DDC: variants seen among roughly 807,000 people sequenced by gnomAD.
The protein encoded by DDC is aromatic-L-amino-acid decarboxylase.
A neutral mutation model predicts 60.0 loss-of-function variants in DDC; 43 were observed. The observed-to-expected ratio is 0.72, with a 90% CI of 0.56 to 0.92. The LOEUF (loss-of-function observed/expected upper bound fraction) is 0.92, where lower values mean the gene tolerates loss of function less well. DDC is among the 40% of genes least tolerant of loss of function. The probability of loss-of-function intolerance (pLI) is 0.00; values close to 1 mark genes in which losing one functional copy is unlikely to be tolerated. For missense variants in DDC, 573 were observed against 620.2 expected, an observed-to-expected ratio of 0.92 and a Z score of 0.81; for synonymous variants, 232 against 234.6, an observed-to-expected ratio of 0.99 and a Z score of 0.10.
chr7:50,549,657 A>C (rs2044920613), intron 1 of DDC, among the ~76,000 whole-genome samples: 1 of 86,492 alleles, frequency 1.2e-5, no homozygotes, highest in African/African-American at 4.3e-5. Context: ...ACTCTGTCTC[A>C]AAAAAAAAAA....
At chr7:50,541,124 G>A (rs1443408565) in intron 2 of DDC, among the ~76,000 whole-genome samples, 4 of 152,200 alleles carry the variant, frequency 2.6e-5, no homozygotes, top group Admixed American at 6.5e-5. Context: ...CTGTGACCAC[G>A]CACTGGTTTC....
chr7:50,553,790 T>G (rs10250513), intron 1 of DDC, among the ~76,000 whole-genome samples: 48,965 of 151,984 alleles, frequency 0.32, 8,550 homozygotes, highest in East Asian at 0.48. Context: ...CAGCCTGACT[T>G]GTTTCTTGAT....
intron 6 of DDC, among the ~76,000 whole-genome samples, chr7:50,514,712 G>A (rs1038896606): frequency 2.6e-5 from 4 of 152,046 alleles, no homozygotes; most frequent in African/African-American, 7.2e-5. Context: ...CAATAGAATT[G>A]AACAAGTAGA....
chr7:50,546,163 C>T (rs139241755), intron 1 of DDC, among the ~76,000 whole-genome samples: 53 of 152,314 alleles, frequency 3.5e-4, no homozygotes, highest in African/African-American at 1.2e-3. Flanking sequence ...CTATCAGCTT[C>T]CAGCACTTCT....
At position 50,551,224 on chromosome 7, in the gene DDC, T is replaced by C. The variant is rs141475726; in HGVS notation, c.-28-7111A>G. Among the ~76,000 whole-genome samples, 349 of 147,974 alleles carry C rather than the reference T, an allele frequency of 2.4e-3. 2 individuals are homozygous for C. Among genetic ancestry groups the C allele is most frequent in the African/African-American group, 7.8e-3 (315 of 40,346 alleles). On this transcript the variant is annotated intron_variant, in intron 1 of 14. Coordinates refer to ENST00000444124, the MANE Select transcript of DDC (RefSeq NM_001082971.2). ...AGTTTAACCAGCCTTAATGATTCCG[T>C]TGTACTTTTTTTTTTTTTTTTTTTG...
rs781370766 is a variant in DDC, at chr7:50,538,017, G to A, written c.316-38C>T. On this transcript the variant is annotated intron_variant, in intron 3 of 14. Coordinates refer to ENST00000444124, the MANE Select transcript of DDC (RefSeq NM_001082971.2). ...AAGGGAAGGGATTAACCGAGGGCCA[G>A]GCATTGCAGAATTTGGGGGTCAGCA... 2.5e-6 allele frequency: 4 copies of A among 1,614,022 alleles called. No individual in the cohort carries two copies. The South Asian group carries it at 3.3e-5, about 13-fold the overall frequency.
chr7:50,493,217 T>C (rs1462420554), intron 9 of DDC, among the ~76,000 whole-genome samples: 1 of 152,166 alleles, frequency 6.6e-6, no homozygotes, highest in Non-Finnish European at 1.5e-5. Flanking sequence ...GGAGCCTGGA[T>C]GTACCTATCC....
intron 6 of DDC, among the ~76,000 whole-genome samples, chr7:50,505,203 T>G (rs1390722125): frequency 6.6e-6 from 1 of 152,232 alleles, no homozygotes; most frequent in African/African-American, 2.4e-5. Context: ...CCAGGGACCC[T>G]GTCTCATTGT....
At chr7:50,469,495 C>T (rs1277046725) in intron 12 of DDC, among the ~76,000 whole-genome samples, 1 of 152,118 alleles carries the variant, frequency 6.6e-6, no homozygotes, top group Non-Finnish European at 1.5e-5. Flanking sequence ...TCATAATTGC[C>T]ATTGCTCAAT....
chr7:50,555,288 G>C (rs1023780090), intron 1 of DDC, among the ~76,000 whole-genome samples: 3 of 152,140 alleles, frequency 2.0e-5, no homozygotes, highest in Non-Finnish European at 4.4e-5. Context: ...TGGAGTCAGT[G>C]GGGGAGACAA....
chr7:50,544,952 A>G (rs533670233), intron 1 of DDC, among the ~76,000 whole-genome samples: 24 of 152,302 alleles, frequency 1.6e-4, no homozygotes, highest in Middle Eastern at 3.4e-3. Context: ...ACAGCACTGT[A>G]ACTCCTGTCT....
chr7:50,468,931 ATTTTTTTTTTTTTT>A (rs36005269), intron 12 of DDC, among the ~76,000 whole-genome samples: 1 of 86,168 alleles, frequency 1.2e-5, no homozygotes, highest in African/African-American at 4.4e-5. Context: ...CAGTTTCCTC[ATTTTTTTTTTTTTT>A]TTTTTTTTTG....
intron 6 of DDC, among the ~76,000 whole-genome samples, chr7:50,517,046 A>G (rs1453024702): frequency 6.6e-6 from 1 of 152,144 alleles, no homozygotes; most frequent in African/African-American, 2.4e-5. Flanking sequence ...GAAGATAAAG[A>G]AAAACCCTCC....
Position 50,463,237 on chromosome 7 carries a change from C to T in DDC, c.1437G>A (p.Arg479=). Reference sequence around the variant, plus strand: ...CCTGCAGCTGGCTTCACTCCTACTCCCTCTCTGCTCGCAGCACGTCGGCCG... The same window carrying T: ...CCTGCAGCTGGCTTCACTCCTACTCTCTCTCTGCTCGCAGCACGTCGGCCG... ...ELAADVLRAE[R]E is the part of the protein sequence containing the mutation. The change falls in exon 14 of 15, where the codon AGG becomes AGA. Residue 479 remains arginine, a synonymous_variant. Transcript: ENST00000444124. 6.2e-7 allele frequency: 1 copy of T among 1,611,642 alleles called. No homozygotes were observed. The highest frequency in any genetic ancestry group is 1.1e-5 in the South Asian group (1 of 90,478).
chr7:50,547,742 G>A (rs2329371), intron 1 of DDC, among the ~76,000 whole-genome samples: 33,969 of 152,120 alleles, frequency 0.22, 3,960 homozygotes, highest in East Asian at 0.39. Context: ...ATAATCGCAT[G>A]TATTAGCTAT....
intron 11 of DDC, among the ~76,000 whole-genome samples, chr7:50,471,828 C>T (rs1244400830): frequency 6.6e-6 from 1 of 152,152 alleles, no homozygotes; most frequent in African/African-American, 2.4e-5. Flanking sequence ...CCCCTTATCC[C>T]ACCACTAGCT....
intron 7 of DDC, among the ~76,000 whole-genome samples, chr7:50,501,441 C>T (rs1456722813): frequency 2.0e-5 from 3 of 152,194 alleles, no homozygotes; most frequent in African/African-American, 7.2e-5. Flanking sequence ...CTGATCCATC[C>T]AAGCAGACCA....
At chr7:50,510,112 C>A (rs1485214158) in intron 6 of DDC, among the ~76,000 whole-genome samples, 1 of 152,050 alleles carries the variant, frequency 6.6e-6, no homozygotes, top group Non-Finnish European at 1.5e-5. Flanking sequence ...GCTGGGACTA[C>A]AGGTGACTGC....
chr7:50,467,944 C>G (rs985243269), intron 12 of DDC, among the ~76,000 whole-genome samples: 4 of 152,260 alleles, frequency 2.6e-5, no homozygotes, highest in Non-Finnish European at 5.9e-5. Flanking sequence ...AAACGGCCTT[C>G]CTCTCATTGA....
Sources: allele counts gnomAD v4.1 joint callset (sites outside exome capture counted in the v4.1 genomes callset), GRCh38; gene constraint gnomAD v4.1.1; transcripts MANE v1.5; gene names NCBI Gene and HGNC (gene_info 2026-07-23, HGNC 2026-07-21).